PRRX2: variants seen among roughly 807,000 people sequenced by gnomAD.
PRRX2 encodes the protein paired related homeobox 2.
A neutral mutation model predicts 18.0 loss-of-function variants in PRRX2; 11 were observed. The observed-to-expected ratio is 0.61, with a 90% confidence interval of 0.39 to 1.01. The LOEUF is 1.01. PRRX2 is among the 50% of genes least tolerant of loss of function. The probability of loss-of-function intolerance (pLI) is 0.01; values close to 1 mark genes in which losing one functional copy is unlikely to be tolerated. For synonymous variants in PRRX2, 177 were observed against 154.8 expected (o/e 1.14, Z -1.06); for missense variants, 387 against 351.0 (o/e 1.10, Z -0.82).
At chr9:129,673,625 GACAC>G (rs1174220498) in intron 1 of PRRX2, among the ~76,000 whole-genome samples, 1 of 148,834 alleles carries the variant, frequency 6.7e-6, no homozygotes, top group Admixed American at 6.7e-5. Context: ...CAGACACAAA[GACAC>G]ACACAGACCC....
At chr9:129,686,448 G>A (rs571321733) in intron 1 of PRRX2, among the ~76,000 whole-genome samples, 2 of 152,290 alleles carry the variant, frequency 1.3e-5, no homozygotes, top group South Asian at 4.1e-4. Context: ...CTGGGCTCAA[G>A]TGATCCTTCC....
At chr9:129,689,722 G>A (rs1832336641) in intron 1 of PRRX2, among the ~76,000 whole-genome samples, 1 of 151,568 alleles carries the variant, frequency 6.6e-6, no homozygotes, top group African/African-American at 2.4e-5. Flanking sequence ...GACTCTCCGG[G>A]GTGGGGGCGG....
intron 1 of PRRX2, among the ~76,000 whole-genome samples, chr9:129,680,248 G>A (rs7861553): frequency 0.059 from 8,948 of 151,556 alleles, 329 homozygotes; most frequent in African/African-American, 0.089. Flanking sequence ...CTAAAAATAC[G>A]AAGTTAGCTG....
chr9:129,709,163 C>T lies in PRRX2; in HGVS notation c.260-10068C>T, dbSNP rs895783189. 2.6e-5 allele frequency among the ~76,000 whole-genome samples: 4 copies of T among 152,154 alleles called. No homozygotes were observed. The highest frequency in any genetic ancestry group is 9.7e-5 in the African/African-American group (4 of 41,434). ...AGGGTGCCCTAGCTAGAGGGAACAG[C>T]AGATACCAAGGCCCAGAGGTGGGAA... is the stretch of plus-strand genomic sequence containing the variant. On this transcript the variant is annotated intron_variant, in intron 1 of 3. Transcript: ENST00000372469. The surrounding 1 kb of genome is among the most constrained non-coding windows in gnomAD (Gnocchi z 4.2).
intron 1 of PRRX2, among the ~76,000 whole-genome samples, chr9:129,699,170 C>T (rs970691325): frequency 1.3e-5 from 2 of 152,238 alleles, no homozygotes; most frequent in Non-Finnish European, 2.9e-5. Context: ...CGCCCATAAT[C>T]CCAGAACTTT....
intron 1 of PRRX2, among the ~76,000 whole-genome samples, chr9:129,684,358 TTCTC>T (rs1328826558): frequency 1.3e-5 from 2 of 151,412 alleles, no homozygotes; most frequent in Non-Finnish European, 2.9e-5. Context: ...GGGGCCTGGG[TTCTC>T]TCTCTCTGGC....
chr9:129,722,494 T>A lies in PRRX2; in HGVS notation c.*142T>A. ...TGGACTCCCGAGCCCACGAGGCTGT[T>A]GAGGCCCCTGCAGCCGGGCCCAGCT... is the stretch of plus-strand genomic sequence containing the variant. On this transcript the variant is annotated 3_prime_UTR_variant, in exon 4 of 4. Transcript: ENST00000372469. 2 of 940,048 alleles carry A rather than the reference T, an allele frequency of 2.1e-6. No homozygotes were observed. The highest frequency in any genetic ancestry group is 2.8e-6 in the Non-Finnish European group (2 of 716,404). The allele number at this position is 940,048 out of a possible 1,614,324, so 58.2% of individuals were successfully genotyped here.
At chr9:129,704,870 G>A (rs1241138785) in intron 1 of PRRX2, among the ~76,000 whole-genome samples, 1 of 152,180 alleles carries the variant, frequency 6.6e-6, no homozygotes, top group Non-Finnish European at 1.5e-5. Flanking sequence ...CTGGCTCTGG[G>A]CTTTAGGAGG....
intron 1 of PRRX2, among the ~76,000 whole-genome samples, chr9:129,717,287 G>A (rs1479914913): frequency 6.6e-6 from 1 of 152,036 alleles, no homozygotes; most frequent in African/African-American, 2.4e-5. Flanking sequence ...CCAGGCTGGT[G>A]TCAAAATCCT....
At chr9:129,684,414 C>CA (rs1832270625) in intron 1 of PRRX2, among the ~76,000 whole-genome samples, 3 of 120,852 alleles carry the variant, frequency 2.5e-5, no homozygotes, top group Non-Finnish European at 5.4e-5. Context: ...CAGAGAGAGA[C>CA]ACACACAGAT....
In PRRX2 at chr9:129,700,416, G is replaced by A. The variant is rs796784544; in HGVS notation, c.260-18815G>A. 2.3e-4 allele frequency among the ~76,000 whole-genome samples: 35 copies of A among 149,924 alleles called. 1 individual carries two copies. Among genetic ancestry groups the A allele is most frequent in the African/African-American group, 8.4e-4 (34 of 40,582 alleles). On this transcript the variant is annotated intron_variant, in intron 1 of 3. Transcript: ENST00000372469. ...TGCAGTGGCGCAATCTCGGCTCTCC[G>A]CCTCCCAGGTTCAAGCGATTCTCTT...
In PRRX2 at chr9:129,665,893, C is replaced by T; in HGVS notation, c.26C>T (p.Ala9Val). MDSAAAAF[A>V]LDKPALGPGP... is the part of the protein sequence containing the mutation. Reference sequence around the variant, plus strand: ...ATGGACAGCGCGGCCGCCGCCTTCGCCCTGGACAAGCCGGCGCTGGGCCCG... The same window carrying T: ...ATGGACAGCGCGGCCGCCGCCTTCGTCCTGGACAAGCCGGCGCTGGGCCCG... The change falls in exon 1 of 4, where the codon GCC becomes GTC. Residue 9 changes from alanine to valine, a missense_variant. Transcript: ENST00000372469. The surrounding 1 kb of genome is among the most constrained non-coding windows in gnomAD (Gnocchi z 5.3). 1 of 1,095,300 alleles carries T rather than the reference C, an allele frequency of 9.1e-7. No individual in the cohort carries two copies. The highest frequency in any genetic ancestry group is 3.2e-5 in the South Asian group (1 of 31,516). 67.8% of individuals were successfully genotyped at this position (1,095,300 alleles called of 1,614,324 possible).
At chr9:129,697,416 C>T (rs1209158085) in intron 1 of PRRX2, among the ~76,000 whole-genome samples, 2 of 151,618 alleles carry the variant, frequency 1.3e-5, no homozygotes, top group East Asian at 1.9e-4. Flanking sequence ...CGGGGCTGGG[C>T]GCGGGATCTA....
At chr9:129,672,849 C>G (rs956433921) in intron 1 of PRRX2, among the ~76,000 whole-genome samples, 1 of 151,858 alleles carries the variant, frequency 6.6e-6, no homozygotes, top group Non-Finnish European at 1.5e-5. Flanking sequence ...AGGACAGGTT[C>G]CCTTTCCCCC....
chr9:129,677,235 T>C (rs1169184888), intron 1 of PRRX2, among the ~76,000 whole-genome samples: 1 of 152,238 alleles, frequency 6.6e-6, no homozygotes, highest in Non-Finnish European at 1.5e-5. Context: ...CTAGGATTTA[T>C]GCAGAGCCTC....
intron 1 of PRRX2, among the ~76,000 whole-genome samples, chr9:129,666,575 C>T (rs1403770894): frequency 7.1e-6 from 1 of 141,618 alleles, no homozygotes; most frequent in African/African-American, 2.7e-5. Flanking sequence ...CTGCCCACCC[C>T]CCCCCACCCT....
chr9:129,705,012 C>T (rs1261230971), intron 1 of PRRX2, among the ~76,000 whole-genome samples: 1 of 152,230 alleles, frequency 6.6e-6, no homozygotes, highest in Non-Finnish European at 1.5e-5. Flanking sequence ...GTAGGCTTTA[C>T]AATAAACCTG....
intron 1 of PRRX2, among the ~76,000 whole-genome samples, chr9:129,677,030 CT>C (rs1256562140): frequency 2.0e-5 from 3 of 152,242 alleles, no homozygotes; most frequent in Non-Finnish European, 4.4e-5. Flanking sequence ...CAAGATCCTG[CT>C]CTGCATTTTG....
intron 1 of PRRX2, among the ~76,000 whole-genome samples, chr9:129,716,320 A>G (rs2130934424): frequency 6.6e-6 from 1 of 152,354 alleles, no homozygotes; most frequent in South Asian, 2.1e-4. Flanking sequence ...GAATAAACAC[A>G]GCAGAGTCAC....
Sources: gnomAD v4.1 joint callset for allele counts (sites outside exome capture counted in the v4.1 genomes callset) on GRCh38, gnomAD v4.1.1 for gene constraint, Gnocchi (gnomAD v3.1) non-coding constraint, MANE v1.5 for transcripts, NCBI Gene and HGNC (gene_info 2026-07-23, HGNC 2026-07-21) for gene names.